EML1: variants seen among roughly 807,000 people sequenced by gnomAD.
EML1 encodes the protein EMAP like 1.
A neutral mutation model predicts 110.4 loss-of-function variants in EML1; 27 were observed. The ratio of observed to expected loss-of-function variants is 0.24; its 90% CI spans 0.18 to 0.34. The LOEUF is 0.34. Ranked by LOEUF, EML1 falls within the 10% of genes least tolerant of loss-of-function variation. EML1 has a pLI of 1.00. For missense variants in EML1, 741 were observed against 1,030.9 expected (o/e 0.72, Z 3.85); for synonymous variants, 344 against 385.8 (o/e 0.89, Z 1.27).
At chr14:99,852,199 C>G (rs146075733) in intron 2 of EML1, among the ~76,000 whole-genome samples, 162 of 152,310 alleles carry the variant, frequency 1.1e-3, no homozygotes, top group African/African-American at 3.8e-3. Context: ...GCAAATGGCT[C>G]GTCTTTAGCC....
chr14:99,873,927 C>G lies in EML1; in HGVS notation c.384-4558C>G, dbSNP rs74087908. On this transcript the variant is annotated intron_variant, in intron 3 of 21. Coordinates refer to ENST00000262233, the MANE Select transcript of EML1 (RefSeq NM_004434.3). ...CCTAGTAAGTGTCTGTTGAGCAGAT[C>G]ACTGCTTTTATCCAGTGTTAGTCGC... Among the ~76,000 whole-genome samples the G allele has an allele frequency of 2.8e-3, 433 of 152,332 alleles. 2 individuals are homozygous for G. Among genetic ancestry groups the G allele is most frequent in the African/African-American group, 9.9e-3 (410 of 41,576 alleles).
At chr14:99,783,572 C>T (rs1017143016) in intron 1 of EML1, among the ~76,000 whole-genome samples, 2 of 151,698 alleles carry the variant, frequency 1.3e-5, no homozygotes, top group Non-Finnish European at 2.9e-5. Context: ...GCAACCTCCA[C>T]CTCCTGGGTT....
intron 4 of EML1, chr14:99,883,580 A>T (rs934488024): frequency 5.9e-5 from 9 of 152,036 alleles, no homozygotes; most frequent in African/African-American, 2.2e-4. Flanking sequence ...AGAAACAACA[A>T]TCACCTGCAG....
At position 99,898,282 on chromosome 14, in the gene EML1, G is replaced by T. The variant is rs1233196169; in HGVS notation, c.877G>T (p.Gly293Cys). Residue 293 changes from glycine (G) to cysteine (C), a missense_variant, in exon 8 of 22, where the codon GGC (glycine) becomes TGC (cysteine). Coordinates refer to ENST00000262233, the MANE Select transcript of EML1 (RefSeq NM_004434.3). Reference sequence around the variant, plus strand: ...CACGATAGCAACAGGACAAGTTGCGGGCACATCGAAGGATGGAAAAGTGAG... The same window carrying T: ...CACGATAGCAACAGGACAAGTTGCGTGCACATCGAAGGATGGAAAAGTGAG... ...RITIATGQVA[G>C]TSKDGKQLPP... The T allele has an allele frequency of 1.2e-6, 2 of 1,611,408 alleles. No homozygotes were observed. The highest frequency in any genetic ancestry group is 4.5e-5 in the East Asian group (2 of 44,830).
At chr14:99,770,778 G>GTTTTTTTTTTTTTTTTTTTTT (rs1198007774), upstream of EML1, among the ~76,000 whole-genome samples, 2 of 79,582 alleles carry the variant, frequency 2.5e-5, no homozygotes, top group African/African-American at 4.4e-5. Flanking sequence ...AGTTTCCGCT[G>GTTTTTTTTTTTTTTTTTTTTT]ATTTTTTTTT....
chr14:99,768,022 G>C (rs776981671), upstream of EML1, among the ~76,000 whole-genome samples: 1 of 152,102 alleles, frequency 6.6e-6, no homozygotes, highest in Non-Finnish European at 1.5e-5. Context: ...CATCTGCCTT[G>C]GGCTGGTGGG....
At chr14:99,859,852 C>G (rs1018548014) in intron 2 of EML1, among the ~76,000 whole-genome samples, 3 of 152,142 alleles carry the variant, frequency 2.0e-5, no homozygotes, top group Non-Finnish European at 4.4e-5. Context: ...AAAATTGCAC[C>G]CATTGTCCAC....
chr14:99,818,686 G>A (rs192458570), intron 1 of EML1, among the ~76,000 whole-genome samples: 2 of 152,270 alleles, frequency 1.3e-5, no homozygotes, highest in African/African-American at 4.8e-5. Flanking sequence ...GTCAGCTGAG[G>A]AGTCATCAGT....
chr14:99,912,901 C>T (rs996781487), intron 13 of EML1, among the ~76,000 whole-genome samples: 2 of 152,198 alleles, frequency 1.3e-5, no homozygotes, highest in African/African-American at 4.8e-5. Context: ...GCTAACATGC[C>T]ACACTGGAGA....
At chr14:99,756,536 G>A (rs1353914189) in intron 1 of EML1, among the ~76,000 whole-genome samples, 1 of 152,186 alleles carries the variant, frequency 6.6e-6, no homozygotes, top group Non-Finnish European at 1.5e-5. Flanking sequence ...ATAACAGAGT[G>A]AGTAGGTAGA....
intron 3 of EML1, among the ~76,000 whole-genome samples, chr14:99,876,021 G>A (rs2059284876): frequency 6.6e-6 from 1 of 152,162 alleles, no homozygotes; most frequent in Non-Finnish European, 1.5e-5. Flanking sequence ...TGATTTCAAA[G>A]CCAGCATACC....
chr14:99,879,538 G>A (rs534548179), intron 4 of EML1, among the ~76,000 whole-genome samples: 2 of 152,248 alleles, frequency 1.3e-5, no homozygotes, highest in East Asian at 3.9e-4. Flanking sequence ...AATCCATGGT[G>A]ATTCAGTCCT....
chr14:99,776,446 G>C (rs2057483563), intron 1 of EML1, among the ~76,000 whole-genome samples: 1 of 151,848 alleles, frequency 6.6e-6, no homozygotes, highest in Non-Finnish European at 1.5e-5. Context: ...AGAGGTTGCA[G>C]TGAGCTGAGA....
intron 4 of EML1, among the ~76,000 whole-genome samples, chr14:99,879,049 TTTTATGA>T (rs2059342515): frequency 6.6e-6 from 1 of 152,232 alleles, no homozygotes; most frequent in Non-Finnish European, 1.5e-5. Flanking sequence ...AAAGTTGTAA[TTTTATGA>T]TTTATCAGAG....
At chr14:99,866,775 G>A (rs1434104277) in intron 3 of EML1, among the ~76,000 whole-genome samples, 2 of 151,958 alleles carry the variant, frequency 1.3e-5, no homozygotes, top group Non-Finnish European at 2.9e-5. Context: ...ACTACATTAG[G>A]TATTTCCTAG....
chr14:99,797,144 A>T (rs535779230), intron 1 of EML1, among the ~76,000 whole-genome samples: 2 of 152,230 alleles, frequency 1.3e-5, no homozygotes, highest in South Asian at 2.1e-4. Context: ...GGCAACCATT[A>T]ATCTACTTTC....
At chr14:99,825,219 C>T (rs559067781) in intron 1 of EML1, among the ~76,000 whole-genome samples, 1 of 152,136 alleles carries the variant, frequency 6.6e-6, no homozygotes, top group South Asian at 2.1e-4. Context: ...CTCCTGGGCT[C>T]AAATGATCCT....
At chr14:99,817,414 C>T (rs2058186336) in intron 1 of EML1, among the ~76,000 whole-genome samples, 1 of 152,188 alleles carries the variant, frequency 6.6e-6, no homozygotes, top group Non-Finnish European at 1.5e-5. Context: ...TGTATATGAA[C>T]TTGGCATCTT....
chr14:99,897,117 A>G (rs766018312), intron 6 of EML1, 28 bp from the exon 7 acceptor site: 3 of 1,497,110 alleles, frequency 2.0e-6, no homozygotes, highest in Non-Finnish European at 2.7e-6. Context: ...TTAAAGGGAA[A>G]AAAAATTTTA....
Sources: gnomAD v4.1 joint callset for allele counts (sites outside exome capture counted in the v4.1 genomes callset) on GRCh38, gnomAD v4.1.1 for gene constraint, MANE v1.5 for transcripts, NCBI Gene and HGNC (gene_info 2026-07-23, HGNC 2026-07-21) for gene names.